The following CCDC91 variants were observed in gnomAD, a reference collection of about 807,000 sequenced individuals.
The protein encoded by CCDC91 is coiled-coil domain containing 91.
CCDC91 carries 48 observed loss-of-function variants against 63.2 expected under a neutral mutation model. That is an observed-to-expected ratio of 0.76 (90% CI 0.60 to 0.97). CCDC91 has a LOEUF of 0.97. CCDC91 is among the 50% of genes least tolerant of loss of function. CCDC91 has a pLI of 0.00. For missense variants in CCDC91, 500 were observed against 494.6 expected (o/e 1.01, Z -0.10); for synonymous variants, 167 against 165.8 (o/e 1.01, Z -0.06).
chr12:28,543,711 C>A (rs1260493307), intron 12 of CCDC91, among the ~76,000 whole-genome samples: 4 of 151,986 alleles, frequency 2.6e-5, no homozygotes, highest in Non-Finnish European at 5.9e-5. Context: ...GAACTGCAGA[C>A]CCCTATATCT....
chr12:28,508,112 C>A (rs1938956289), intron 12 of CCDC91, among the ~76,000 whole-genome samples: 1 of 151,878 alleles, frequency 6.6e-6, no homozygotes. Flanking sequence ...GTACATTAGT[C>A]CTGAAGGCAG....
intron 3 of CCDC91, among the ~76,000 whole-genome samples, chr12:28,270,379 G>A (rs115463920): frequency 2.0e-5 from 3 of 152,056 alleles, no homozygotes; most frequent in Non-Finnish European, 1.5e-5. Flanking sequence ...TCAAGTCTGA[G>A]GCCATAGAAA....
At chr12:28,318,349 C>T (rs1340916548) in intron 6 of CCDC91, among the ~76,000 whole-genome samples, 1 of 151,204 alleles carries the variant, frequency 6.6e-6, no homozygotes, top group East Asian at 2.0e-4. Flanking sequence ...TTAGTGAGAC[C>T]CCATTTCTCA....
intron 3 of CCDC91, among the ~76,000 whole-genome samples, chr12:28,284,402 CG>C (rs2136640840): frequency 6.6e-6 from 1 of 152,140 alleles, no homozygotes; most frequent in South Asian, 2.1e-4. Flanking sequence ...CCTGTAATCC[CG>C]GCACTTTGGG....
intron 1 of CCDC91, among the ~76,000 whole-genome samples, chr12:28,191,062 C>G (rs1941189967): frequency 6.6e-6 from 1 of 152,334 alleles, no homozygotes; most frequent in South Asian, 2.1e-4. Context: ...GGTAAAAGCT[C>G]TACAGCGTCT....
At chr12:28,304,375 TAAAAAAAAAAAAAAAAAAAAAAA>T (rs777296414) in intron 3 of CCDC91, among the ~76,000 whole-genome samples, 1 of 73,596 alleles carries the variant, frequency 1.4e-5, no homozygotes, top group Admixed American at 1.7e-4. Context: ...AGACTCCGTC[TAAAAAAAAAAAAAAAAAAAAAAA>T]AAAGAAAAAA....
At chr12:28,268,228 T>C (rs964798123) in intron 3 of CCDC91, among the ~76,000 whole-genome samples, 1 of 151,214 alleles carries the variant, frequency 6.6e-6, no homozygotes, top group Non-Finnish European at 1.5e-5. Context: ...CATGCCCAGC[T>C]AATGTTTTGT....
At chr12:28,258,572 G>C (rs1031116094) in intron 2 of CCDC91, among the ~76,000 whole-genome samples, 2 of 151,968 alleles carry the variant, frequency 1.3e-5, no homozygotes, top group Non-Finnish European at 2.9e-5. Context: ...TGTATAAATA[G>C]GGAAGGTCTC....
chr12:28,237,577 C>A (rs1181667181), intron 1 of CCDC91, among the ~76,000 whole-genome samples: 1 of 152,078 alleles, frequency 6.6e-6, no homozygotes, highest in Admixed American at 6.6e-5. Context: ...CCAAGGAATA[C>A]CAGCAGCTAT....
At chr12:28,416,021 A>C (rs1947637364) in intron 8 of CCDC91, among the ~76,000 whole-genome samples, 1 of 151,496 alleles carries the variant, frequency 6.6e-6, no homozygotes, top group African/African-American at 2.4e-5. Context: ...ATTTATCATG[A>C]AGGAGGAATG....
At chr12:28,346,651 A>G (rs190361589) in intron 6 of CCDC91, among the ~76,000 whole-genome samples, 1 of 152,366 alleles carries the variant, frequency 6.6e-6, no homozygotes, top group Non-Finnish European at 1.5e-5. Flanking sequence ...ATGGAGAGAT[A>G]CATAGGGCAA....
chr12:28,328,874 T>A (rs531904927), intron 6 of CCDC91, among the ~76,000 whole-genome samples: 3 of 152,214 alleles, frequency 2.0e-5, no homozygotes, highest in Admixed American at 6.5e-5. Context: ...TATAGGATAG[T>A]TTATTGAATA....
intron 1 of CCDC91, among the ~76,000 whole-genome samples, chr12:28,226,435 G>A (rs1944279573): frequency 1.3e-5 from 2 of 151,960 alleles, no homozygotes; most frequent in South Asian, 4.1e-4. Context: ...ATATCTTTCT[G>A]TATTTCTGGT....
intron 6 of CCDC91, among the ~76,000 whole-genome samples, chr12:28,318,454 T>C (rs566741200): frequency 6.6e-6 from 1 of 152,004 alleles, no homozygotes; most frequent in South Asian, 2.1e-4. Context: ...GACTAAAGGA[T>C]TGCTTAAGCC....
At chr12:28,468,034 A>T (rs1260975795) in intron 11 of CCDC91, among the ~76,000 whole-genome samples, 3 of 152,050 alleles carry the variant, frequency 2.0e-5, no homozygotes, top group Admixed American at 6.6e-5. Flanking sequence ...TAACTAGAAA[A>T]GGGGGAGCAA....
At chr12:28,518,867 G>C (rs565624953) in intron 12 of CCDC91, among the ~76,000 whole-genome samples, 6 of 151,980 alleles carry the variant, frequency 3.9e-5, no homozygotes, top group Non-Finnish European at 8.8e-5. Context: ...ATTCTCCTAT[G>C]TGTAGCTTGC....
chr12:28,530,908 G>A (rs1941679939), intron 12 of CCDC91, among the ~76,000 whole-genome samples: 1 of 152,076 alleles, frequency 6.6e-6, no homozygotes, highest in Non-Finnish European at 1.5e-5. Flanking sequence ...ACAGTGTTAT[G>A]CCAGTTATAA....
chr12:28,511,553 A>G (rs75632322), intron 12 of CCDC91, among the ~76,000 whole-genome samples: 1 of 151,818 alleles, frequency 6.6e-6, no homozygotes. Context: ...TAAAAGAGCC[A>G]TGTGGTTCCA....
intron 3 of CCDC91, among the ~76,000 whole-genome samples, chr12:28,299,935 C>T (rs1183500389): frequency 4.0e-5 from 6 of 151,164 alleles, no homozygotes; most frequent in Non-Finnish European, 8.9e-5. Context: ...ATTGTTTTCC[C>T]CAGGTTTTAA....
Sources: gnomAD v4.1 joint callset for allele counts (sites outside exome capture counted in the v4.1 genomes callset) on GRCh38, gnomAD v4.1.1 for gene constraint, MANE v1.5 for transcripts, NCBI Gene and HGNC (gene_info 2026-07-23, HGNC 2026-07-21) for gene names.